Variants in TRAK1 observed in about 807,000 individuals in gnomAD.
TRAK1 encodes the protein trafficking kinesin-binding protein 1.
In TRAK1, 33 loss-of-function variants were observed where a neutral mutation model predicts 92.1. That is an observed-to-expected ratio of 0.36 (90% CI 0.27 to 0.48). The LOEUF (loss-of-function observed/expected upper bound fraction) is 0.48, where lower values mean the gene tolerates loss of function less well. Ranked by LOEUF, TRAK1 falls within the 20% of genes least tolerant of loss-of-function variation. The pLI is 0.99. For missense variants in TRAK1, 1,123 were observed against 1,257.9 expected (o/e 0.89, Z 1.62); for synonymous variants, 521 against 517.3 (o/e 1.01, Z -0.10).
intron 1 of TRAK1, among the ~76,000 whole-genome samples, chr3:42,095,032 A>G (rs1705699192): frequency 6.6e-6 from 1 of 152,198 alleles, no homozygotes; most frequent in Non-Finnish European, 1.5e-5. Flanking sequence ...CAGCCTGCTT[A>G]TTCATGTTCA....
At chr3:42,140,205 G>C (rs1698474185) in intron 2 of TRAK1, among the ~76,000 whole-genome samples, 1 of 152,176 alleles carries the variant, frequency 6.6e-6, no homozygotes. Context: ...CCTTCCCCTG[G>C]AGGTGGGTTG....
At chr3:42,051,930 T>C (rs1498095) in intron 1 of TRAK1, among the ~76,000 whole-genome samples, 13,137 of 152,240 alleles carry the variant, frequency 0.086, 623 homozygotes, top group Non-Finnish European at 0.11. Flanking sequence ...AACTTATTCC[T>C]CTTTGAGCCC....
intron 2 of TRAK1, chr3:42,160,563 G>GTTTTTTTT (rs1394896843): frequency 1.1e-6 from 1 of 951,182 alleles, no homozygotes; most frequent in Non-Finnish European, 1.4e-6. Context: ...GCACTGTTTT[G>GTTTTTTTT]TTTTTGTTTT....
At chr3:42,210,280 C>G (rs371904202) in intron 14 of TRAK1, 9 of 1,518,788 alleles carry the variant, frequency 5.9e-6, no homozygotes, top group Middle Eastern at 1.8e-4. Context: ...TCTCATTGCA[C>G]AGTTCTGTTT....
intron 2 of TRAK1, among the ~76,000 whole-genome samples, chr3:42,136,738 A>G (rs1294379391): frequency 6.6e-6 from 1 of 152,074 alleles, no homozygotes; most frequent in African/African-American, 2.4e-5. Flanking sequence ...GCTGGAGTGC[A>G]GTGGCGTGTT....
intron 1 of TRAK1, among the ~76,000 whole-genome samples, chr3:42,018,824 C>G (rs892487852): frequency 4.6e-5 from 7 of 152,168 alleles, no homozygotes; most frequent in Non-Finnish European, 1.0e-4. Flanking sequence ...ATTTATGTCA[C>G]TTAAAATGCA....
At chr3:42,127,904 C>T (rs554240508) in intron 2 of TRAK1, among the ~76,000 whole-genome samples, 16 of 152,224 alleles carry the variant, frequency 1.1e-4, no homozygotes, top group African/African-American at 3.4e-4. Flanking sequence ...TGAGGCCGGG[C>T]GTGGTGGCTC....
chr3:42,039,202 G>A (rs925088297), intron 1 of TRAK1, among the ~76,000 whole-genome samples: 1 of 151,988 alleles, frequency 6.6e-6, no homozygotes, highest in Non-Finnish European at 1.5e-5. Flanking sequence ...TTTGTGTTTG[G>A]CTTCTTTCAC....
intron 1 of TRAK1, among the ~76,000 whole-genome samples, chr3:42,034,467 A>T (rs1367077017): frequency 6.6e-6 from 1 of 151,790 alleles, no homozygotes; most frequent in Non-Finnish European, 1.5e-5. Context: ...TAATTTTTGT[A>T]TTTCTTATAG....
At chr3:42,107,297 T>C (rs1707701449) in intron 1 of TRAK1, among the ~76,000 whole-genome samples, 1 of 152,096 alleles carries the variant, frequency 6.6e-6, no homozygotes. Context: ...GGGCGGATCA[T>C]GAGGTCAGGA....
intron 1 of TRAK1, among the ~76,000 whole-genome samples, chr3:42,048,533 G>C (rs1050774201): frequency 6.0e-5 from 9 of 148,952 alleles, no homozygotes; most frequent in Non-Finnish European, 1.0e-4. Context: ...TTTTTCTTCG[G>C]TTACAGTTCT....
intron 6 of TRAK1, among the ~76,000 whole-genome samples, chr3:42,190,911 G>T (rs570211119): frequency 4.7e-4 from 72 of 151,944 alleles, no homozygotes; most frequent in Non-Finnish European, 5.4e-4. Flanking sequence ...GGGATTATAG[G>T]TGTGAGCCAC....
chr3:42,076,899 A>G (rs751888323), intron 1 of TRAK1, among the ~76,000 whole-genome samples: 2 of 152,086 alleles, frequency 1.3e-5, no homozygotes, highest in Non-Finnish European at 2.9e-5. Flanking sequence ...TCCTTTCCCT[A>G]TTGCTTGTTA....
intron 4 of TRAK1, 148 bp downstream of exon 4, chr3:42,184,949 C>T: frequency 4.5e-6 from 3 of 659,344 alleles, no homozygotes; most frequent in Non-Finnish European, 7.9e-6. Flanking sequence ...ACTGTCTCTT[C>T]TGAAACGTTC....
chr3:42,030,103 C>T (rs1702064319), intron 1 of TRAK1, among the ~76,000 whole-genome samples: 1 of 152,130 alleles, frequency 6.6e-6, no homozygotes. Context: ...ATTTTTAAGT[C>T]AGAAAACATT....
At chr3:42,104,717 G>A (rs1707277822) in intron 1 of TRAK1, among the ~76,000 whole-genome samples, 1 of 152,076 alleles carries the variant, frequency 6.6e-6, no homozygotes. Context: ...AAAGACCAAA[G>A]GTAGATAAAA....
chr3:42,222,411 T>C (rs1012358829), intron 15 of TRAK1, among the ~76,000 whole-genome samples: 1 of 152,144 alleles, frequency 6.6e-6, no homozygotes, highest in African/African-American at 2.4e-5. Flanking sequence ...CAGCCTGGCC[T>C]CAGTCCATGC....
At chr3:42,112,512 A>C (rs528345920) in intron 1 of TRAK1, among the ~76,000 whole-genome samples, 1 of 151,614 alleles carries the variant, frequency 6.6e-6, no homozygotes, top group South Asian at 2.1e-4. Context: ...AGGCGAGTAG[A>C]TCACTGGAGC....
chr3:42,071,282 C>G (rs1031286771), intron 1 of TRAK1, among the ~76,000 whole-genome samples: 2 of 152,208 alleles, frequency 1.3e-5, no homozygotes, highest in East Asian at 1.9e-4. Flanking sequence ...CTTTCTCACT[C>G]TAGTTATTTT....
Sources: gnomAD v4.1 joint callset for allele counts (sites outside exome capture counted in the v4.1 genomes callset) on GRCh38, gnomAD v4.1.1 for gene constraint, MANE v1.5 for transcripts, NCBI Gene and HGNC (gene_info 2026-07-23, HGNC 2026-07-21) for gene names.